ESRRG: variants seen among roughly 807,000 people sequenced by gnomAD.
ESRRG encodes estrogen-related receptor gamma.
Under a neutral mutation model 44.0 loss-of-function variants are expected in ESRRG, and 13 were observed. That is an observed-to-expected ratio of 0.30 (90% CI 0.19 to 0.47). The LOEUF is 0.47. Among genes scored for constraint, ESRRG ranks in the 20% least tolerant of loss-of-function variants. The pLI, the probability that ESRRG is intolerant of heterozygous loss-of-function variation, is 1.00. For missense variants in ESRRG, 395 were observed against 580.6 expected (o/e 0.68, Z 3.29); for synonymous variants, 215 against 214.6 (o/e 1.00, Z -0.02).
chr1:216,564,829 T>C (rs1037230547), intron 4 of ESRRG, among the ~76,000 whole-genome samples: 1 of 152,174 alleles, frequency 6.6e-6, no homozygotes, highest in Non-Finnish European at 1.5e-5. Flanking sequence ...ATGCCTATAG[T>C]CATAATGGGC....
chr1:216,966,339 G>A (rs143498133), intron 1 of ESRRG, among the ~76,000 whole-genome samples: 1 of 152,262 alleles, frequency 6.6e-6, no homozygotes, highest in African/African-American at 2.4e-5. Context: ...TGGTTGTTCA[G>A]GCTGTCTATA....
intron 3 of ESRRG, among the ~76,000 whole-genome samples, chr1:216,647,337 C>T (rs1184295684): frequency 6.6e-6 from 1 of 152,092 alleles, no homozygotes; most frequent in East Asian, 1.9e-4. Flanking sequence ...GAGAGAAAGA[C>T]AAAGAGGATT....
At chr1:216,601,842 A>G (rs1399388301) in intron 3 of ESRRG, among the ~76,000 whole-genome samples, 3 of 152,222 alleles carry the variant, frequency 2.0e-5, no homozygotes, top group Admixed American at 1.3e-4. Flanking sequence ...CAGGCTTTCT[A>G]TAATATACTT....
chr1:216,573,960 A>C (rs756882420), intron 3 of ESRRG, among the ~76,000 whole-genome samples: 5 of 152,070 alleles, frequency 3.3e-5, no homozygotes, highest in Non-Finnish European at 7.4e-5. Context: ...AACATAATCC[A>C]AATATTTCTA....
chr1:216,823,255 T>A (rs1272974669), intron 2 of ESRRG, among the ~76,000 whole-genome samples: 1 of 152,150 alleles, frequency 6.6e-6, no homozygotes, highest in African/African-American at 2.4e-5. Context: ...CTCTTTCAAC[T>A]CTAATAGATA....
chr1:216,811,027 GA>G (rs1171606387), intron 2 of ESRRG, among the ~76,000 whole-genome samples: 5 of 151,842 alleles, frequency 3.3e-5, no homozygotes, highest in Admixed American at 2.0e-4. Flanking sequence ...ACTGTTTTGA[GA>G]GGCAAAAATA....
At chr1:216,603,335 C>A (rs1486787612) in intron 3 of ESRRG, among the ~76,000 whole-genome samples, 1 of 152,094 alleles carries the variant, frequency 6.6e-6, no homozygotes, top group Non-Finnish European at 1.5e-5. Flanking sequence ...AAGACTGATA[C>A]AATCTGTGAA....
chr1:216,977,341 TACAC>T lies in ESRRG; in HGVS notation c.-105-37672_-105-37669del, dbSNP rs1553749984. Among the ~76,000 whole-genome samples the T allele has an allele frequency of 7.3e-4, 105 of 144,084 alleles. 1 individual carries two copies. The highest frequency in any genetic ancestry group is 1.8e-3 in the South Asian group (8 of 4,520). The allele number at this position is 144,084 out of a possible 152,430, so 94.5% of individuals were successfully genotyped here. ...AAACAAAGTTTCCAAGGAGGATACATACACACACACACACACACACACACACACA... is the reference window on the plus strand; with the variant it reads ...AAACAAAGTTTCCAAGGAGGATACATACACACACACACACACACACACACA... On this transcript the variant is annotated intron_variant, in intron 1 of 7. Coordinates refer to the ESRRG transcript ENST00000359162.
At chr1:217,032,787 T>C (rs1271370903) in intron 1 of ESRRG, among the ~76,000 whole-genome samples, 1 of 152,196 alleles carries the variant, frequency 6.6e-6, no homozygotes, top group Non-Finnish European at 1.5e-5. Flanking sequence ...AATATTCTCA[T>C]TGTTTGGGAA....
chr1:216,912,626 G>A (rs2060609693), intron 2 of ESRRG, among the ~76,000 whole-genome samples: 1 of 151,916 alleles, frequency 6.6e-6, no homozygotes, highest in Non-Finnish European at 1.5e-5. Flanking sequence ...TATTAAATAA[G>A]CACCTACTAC....
At chr1:216,846,784 A>G (rs1444549753) in intron 2 of ESRRG, among the ~76,000 whole-genome samples, 2 of 152,116 alleles carry the variant, frequency 1.3e-5, no homozygotes, top group African/African-American at 4.8e-5. Flanking sequence ...AACATTCCTC[A>G]AAAAGGAGGA....
At chr1:216,788,364 C>T (rs2094201472) in intron 2 of ESRRG, among the ~76,000 whole-genome samples, 1 of 152,026 alleles carries the variant, frequency 6.6e-6, no homozygotes, top group Non-Finnish European at 1.5e-5. Context: ...ATCCTAGGGC[C>T]CTTAAGAATG....
rs866033028 is a variant in ESRRG at position 216,569,180 on chromosome 1, G to A, written c.590-1082C>T. Among the ~76,000 whole-genome samples the A allele has an allele frequency of 2.0e-3, 119 of 60,964 alleles. 1 individual carries two copies. The highest frequency in any genetic ancestry group is 7.1e-3 in the African/African-American group (116 of 16,450). The allele number at this position is 60,964 out of a possible 152,430, so 40.0% of individuals were successfully genotyped here. The stretch of plus-strand genomic sequence containing the variant: ...GAGGAGGGAAGGGAAGGGAAGGGAA[G>A]GGAAGGGAAGGGAAAGGAAAGGAAA... On this transcript the variant is annotated intron_variant, in intron 3 of 6. Transcript: ENST00000408911.
chr1:216,711,246 G>T (rs1394956658), intron 1 of ESRRG, among the ~76,000 whole-genome samples: 1 of 152,078 alleles, frequency 6.6e-6, no homozygotes, highest in Non-Finnish European at 1.5e-5. Context: ...GTGGCTCTGG[G>T]ATCATTTTAT....
At chr1:216,582,388 T>C (rs1049403007) in intron 3 of ESRRG, among the ~76,000 whole-genome samples, 1 of 152,218 alleles carries the variant, frequency 6.6e-6, no homozygotes, top group African/African-American at 2.4e-5. Context: ...AATGTTTTCA[T>C]GCTCTGAAGG....
chr1:216,970,340 G>C (rs1428025810), intron 1 of ESRRG, among the ~76,000 whole-genome samples: 1 of 152,168 alleles, frequency 6.6e-6, no homozygotes, highest in Admixed American at 6.5e-5. Context: ...CATTAAAGCA[G>C]GAATTTGCTA....
chr1:216,709,694 T>TAA (rs57685688), intron 1 of ESRRG, among the ~76,000 whole-genome samples: 24 of 148,364 alleles, frequency 1.6e-4, no homozygotes, highest in Non-Finnish European at 2.8e-4. Flanking sequence ...AGTGCTGATT[T>TAA]AAAAAAAAAA....
intron 2 of ESRRG, among the ~76,000 whole-genome samples, chr1:216,757,897 T>C (rs2092549532): frequency 1.3e-5 from 2 of 152,046 alleles, no homozygotes; most frequent in South Asian, 2.1e-4. Context: ...ATTGAACTAA[T>C]AGATAGTACT....
chr1:216,603,772 T>C (rs1309088092), intron 3 of ESRRG, among the ~76,000 whole-genome samples: 1 of 151,800 alleles, frequency 6.6e-6, no homozygotes, highest in Non-Finnish European at 1.5e-5. Flanking sequence ...CTACTAAAAA[T>C]ACAAAATTAG....
Sources: gnomAD v4.1 joint callset for allele counts (sites outside exome capture counted in the v4.1 genomes callset) on GRCh38, gnomAD v4.1.1 for gene constraint, MANE v1.5 for transcripts, NCBI Gene and HGNC (gene_info 2026-07-23, HGNC 2026-07-21) for gene names.